The following RNF220 variants were observed in gnomAD, a reference collection of about 807,000 sequenced individuals.
RNF220 encodes the protein E3 ubiquitin-protein ligase RNF220.
Under a neutral mutation model 67.1 loss-of-function variants are expected in RNF220, and 7 were observed. That is an observed-to-expected ratio of 0.10 (90% confidence interval 0.06 to 0.20). RNF220 has a LOEUF of 0.20. RNF220 is among the 10% of genes least tolerant of loss of function. The pLI, the probability that RNF220 is intolerant of heterozygous loss-of-function variation, is 1.00. For missense variants in RNF220, 565 were observed against 740.3 expected (o/e 0.76, Z 2.75); for synonymous variants, 270 against 283.2 (o/e 0.95, Z 0.47).
At chr1:44,467,369 G>A (rs370383050) in intron 2 of RNF220, among the ~76,000 whole-genome samples, 3 of 152,174 alleles carry the variant, frequency 2.0e-5, no homozygotes, top group African/African-American at 7.2e-5. Flanking sequence ...GCGCCACCAC[G>A]CCCAGCTAAT....
chr1:44,538,920 A>G (rs1415031326), intron 2 of RNF220, among the ~76,000 whole-genome samples: 8 of 46,034 alleles, frequency 1.7e-4, no homozygotes, highest in African/African-American at 5.9e-4. Flanking sequence ...CATCTAGGGA[A>G]AAAAAAAAAA....
chr1:44,531,589 G>A (rs1359514078), intron 2 of RNF220, among the ~76,000 whole-genome samples: 2 of 152,196 alleles, frequency 1.3e-5, no homozygotes, highest in African/African-American at 4.8e-5. Context: ...GGTAGTGGGT[G>A]TTTGAGGAAT....
chr1:44,537,378 T>G (rs1006774628), intron 2 of RNF220, among the ~76,000 whole-genome samples: 1 of 151,744 alleles, frequency 6.6e-6, no homozygotes, highest in African/African-American at 2.4e-5. Context: ...TGGTTCTTAA[T>G]GTGTGTGTGT....
At chr1:44,615,493 T>TA (rs1643507158) in intron 3 of RNF220, among the ~76,000 whole-genome samples, 2 of 152,220 alleles carry the variant, frequency 1.3e-5, no homozygotes, top group African/African-American at 4.8e-5. Flanking sequence ...GTCCGACCCT[T>TA]ATTCAGTTCA....
At chr1:44,507,865 GC>G (rs893642021) in intron 2 of RNF220, among the ~76,000 whole-genome samples, 47 of 151,054 alleles carry the variant, frequency 3.1e-4, no homozygotes, top group Middle Eastern at 6.8e-3. Flanking sequence ...GTGTGGAGGT[GC>G]CCCCCCCTCA....
intron 2 of RNF220, among the ~76,000 whole-genome samples, chr1:44,480,052 G>C (rs746057716): frequency 9.2e-5 from 14 of 152,278 alleles, no homozygotes; most frequent in Non-Finnish European, 1.9e-4. Flanking sequence ...TAGTCCCAAA[G>C]CCAATGTCAC....
At chr1:44,438,896 C>A (rs1651261716) in intron 2 of RNF220, among the ~76,000 whole-genome samples, 1 of 152,160 alleles carries the variant, frequency 6.6e-6, no homozygotes, top group Admixed American at 6.5e-5. Context: ...TTCACTTTTT[C>A]ATTTATTACA....
chr1:44,538,241 A>C (rs112730939), intron 2 of RNF220, among the ~76,000 whole-genome samples: 1 of 152,198 alleles, frequency 6.6e-6, no homozygotes, highest in Non-Finnish European at 1.5e-5. Flanking sequence ...GTGGTTATTC[A>C]GCCAGCTCTG....
At position 44,412,744 on chromosome 1, in the gene RNF220, C is replaced by T. The variant is rs1369329090; in HGVS notation, c.625+22C>T. 2.5e-6 allele frequency: 4 copies of T among 1,600,538 alleles called. No individual in the cohort carries two copies. The African/African-American group carries it at 4.0e-5, about 16-fold the overall frequency. ...AGATGTAAGTACTTTGGTTCCAGCC[C>T]TCCCTTACCCCCAGTAAGCCCTGCC... On this transcript the variant is annotated intron_variant, in intron 2 of 14. Coordinates refer to ENST00000361799, the MANE Select transcript of RNF220 (RefSeq NM_018150.4). This position sits in a 1 kb window ranked among gnomAD's most constrained non-coding sequence, Gnocchi z 5.3.
intron 2 of RNF220, among the ~76,000 whole-genome samples, chr1:44,500,223 A>G (rs1404301311): frequency 1.3e-5 from 2 of 152,198 alleles, no homozygotes; most frequent in Non-Finnish European, 1.5e-5. Context: ...CTGGGCTCAC[A>G]GGCTACACAC....
chr1:44,559,558 TC>T (rs1398181252), intron 2 of RNF220, among the ~76,000 whole-genome samples: 6 of 152,216 alleles, frequency 3.9e-5, no homozygotes, highest in African/African-American at 1.4e-4. Flanking sequence ...CAGGCTGCGC[TC>T]CAGCGGTGAT....
intron 5 of RNF220, among the ~76,000 whole-genome samples, chr1:44,631,504 G>A (rs1341760605): frequency 6.6e-6 from 1 of 152,214 alleles, no homozygotes. Flanking sequence ...TGGCCATGTT[G>A]GCCGTGTGGG....
In RNF220 at chr1:44,565,391, C is replaced by T. The variant is rs1464037108; in HGVS notation, c.626-48774C>T. 2.6e-5 allele frequency among the ~76,000 whole-genome samples: 4 copies of T among 152,134 alleles called. No individual in the cohort carries two copies. The East Asian group carries it at 7.7e-4, about 29-fold the overall frequency. ...GGGACCACCATGGGTCGGGCAAGCACCTCAGCCAGGGAGTAATGGAGTTAG... is the reference window on the plus strand; with the variant it reads ...GGGACCACCATGGGTCGGGCAAGCATCTCAGCCAGGGAGTAATGGAGTTAG... On this transcript the variant is annotated intron_variant, in intron 2 of 14. Transcript: ENST00000361799. This position sits in a 1 kb window ranked among gnomAD's most constrained non-coding sequence, Gnocchi z 4.2.
chr1:44,560,899 C>A (rs1050414973), intron 2 of RNF220, among the ~76,000 whole-genome samples: 1 of 139,056 alleles, frequency 7.2e-6, no homozygotes, highest in Non-Finnish European at 1.7e-5. Context: ...TCCTGCCAGG[C>A]CTGTACATGC....
chr1:44,423,556 C>T (rs1290351027), intron 2 of RNF220, among the ~76,000 whole-genome samples: 1 of 152,128 alleles, frequency 6.6e-6, no homozygotes, highest in East Asian at 1.9e-4. Context: ...CCCATGAGCA[C>T]CCAGAACCAT....
intron 2 of RNF220, among the ~76,000 whole-genome samples, chr1:44,611,817 G>A (rs16832151): frequency 0.056 from 8,514 of 152,230 alleles, 323 homozygotes; most frequent in South Asian, 0.12. Context: ...AATACCTGAC[G>A]TAGAATAATT....
chr1:44,411,905 A>G lies in RNF220; in HGVS notation c.-117-76A>G, dbSNP rs373307191. On this transcript the variant is annotated intron_variant, in intron 1 of 14. Transcript: ENST00000361799. ...TGTGAGCCAGAAGGATGGTGTTTCG[A>G]TCACTTGGGGTTTCCCTTTTTTTCC... 397 of 602,254 alleles carry G rather than the reference A, an allele frequency of 6.6e-4. 6 individuals carry two copies. In the South Asian group the frequency reaches 9.2e-3, roughly 14 times the overall value. The allele number at this position is 602,254 out of a possible 1,614,324, so 37.3% of individuals were successfully genotyped here. A position where few individuals can be genotyped will look rare whatever the true frequency, so the allele number is the denominator to read the frequency against.
chr1:44,566,583 T>C (rs1168410929), intron 2 of RNF220, among the ~76,000 whole-genome samples: 1 of 152,130 alleles, frequency 6.6e-6, no homozygotes, highest in Non-Finnish European at 1.5e-5. Flanking sequence ...GAAAGGGGGA[T>C]GGAAGTCTGA....
intron 2 of RNF220, among the ~76,000 whole-genome samples, chr1:44,556,738 T>C (rs1221472394): frequency 1.3e-5 from 2 of 152,164 alleles, no homozygotes; most frequent in Non-Finnish European, 2.9e-5. Flanking sequence ...TTTTCCATTT[T>C]TTAGTAGAGA....
Sources: allele counts gnomAD v4.1 joint callset (sites outside exome capture counted in the v4.1 genomes callset), GRCh38; gene constraint gnomAD v4.1.1; non-coding constraint Gnocchi (gnomAD v3.1); transcripts MANE v1.5; gene names NCBI Gene and HGNC (gene_info 2026-07-23, HGNC 2026-07-21).